Variants in KCNAB1 observed in about 807,000 individuals in gnomAD.
The protein encoded by KCNAB1 is voltage-gated potassium channel subunit beta-1.
In KCNAB1, 35 loss-of-function variants were observed where a neutral mutation model predicts 64.6. That is an observed-to-expected ratio of 0.54 (90% CI 0.41 to 0.72). The LOEUF is 0.72. Among genes scored for constraint, KCNAB1 ranks in the 30% least tolerant of loss-of-function variants. KCNAB1 has a pLI of 0.00. For synonymous variants in KCNAB1, 177 were observed against 183.8 expected, an observed-to-expected ratio of 0.96 and a Z score of 0.30; for missense variants, 401 against 512.9, an observed-to-expected ratio of 0.78 and a Z score of 2.11.
At chr3:156,279,127 C>G (rs1189927774) in intron 1 of KCNAB1, among the ~76,000 whole-genome samples, 1 of 149,720 alleles carries the variant, frequency 6.7e-6, no homozygotes, top group Non-Finnish European at 1.5e-5. Context: ...TCCCACCACC[C>G]CACAACAGTC....
chr3:156,524,512 C>T (rs1008033022), intron 12 of KCNAB1, among the ~76,000 whole-genome samples: 4 of 152,174 alleles, frequency 2.6e-5, no homozygotes, highest in African/African-American at 9.6e-5. Context: ...CTTTGGGAGG[C>T]CAAGGTGGGC....
At chr3:156,363,817 G>A (rs745677380) in intron 1 of KCNAB1, among the ~76,000 whole-genome samples, 1 of 152,054 alleles carries the variant, frequency 6.6e-6, no homozygotes, top group Admixed American at 6.6e-5. Flanking sequence ...TTTACAAGGC[G>A]ACTACATAAA....
At chr3:156,332,415 A>G (rs991333708) in intron 1 of KCNAB1, among the ~76,000 whole-genome samples, 1 of 151,998 alleles carries the variant, frequency 6.6e-6, no homozygotes, top group Non-Finnish European at 1.5e-5. Context: ...AACCCTCTCA[A>G]TTGTACCGTA....
intron 8 of KCNAB1, among the ~76,000 whole-genome samples, chr3:156,476,578 CAT>C (rs778670781): frequency 1.5e-3 from 177 of 121,010 alleles, no homozygotes; most frequent in African/African-American, 3.8e-3. Context: ...CACACACACA[CAT>C]ATATACACAC....
chr3:156,261,759 T>C (rs1718443062), intron 1 of KCNAB1, among the ~76,000 whole-genome samples: 1 of 151,972 alleles, frequency 6.6e-6, no homozygotes, highest in Non-Finnish European at 1.5e-5. Context: ...AGCTTGTTAA[T>C]TTTTACAAAA....
chr3:156,477,504 G>T (rs1187666522), intron 8 of KCNAB1, among the ~76,000 whole-genome samples: 2 of 152,112 alleles, frequency 1.3e-5, no homozygotes, highest in Non-Finnish European at 2.9e-5. Flanking sequence ...ACCCCAGCAG[G>T]CCAATCAACC....
chr3:156,520,545 T>G (rs1447568292), intron 11 of KCNAB1, among the ~76,000 whole-genome samples: 1 of 152,100 alleles, frequency 6.6e-6, no homozygotes, highest in Non-Finnish European at 1.5e-5. Context: ...GCCACTTCCC[T>G]CCAGCCTGAG....
intron 8 of KCNAB1, among the ~76,000 whole-genome samples, chr3:156,509,659 C>T (rs1717062280): frequency 6.6e-6 from 1 of 152,150 alleles, no homozygotes; most frequent in South Asian, 2.1e-4. Flanking sequence ...TTCTGGAAAA[C>T]TAGGGAAGGA....
At chr3:156,274,539 T>C (rs769896514) in intron 1 of KCNAB1, among the ~76,000 whole-genome samples, 7 of 152,182 alleles carry the variant, frequency 4.6e-5, no homozygotes, top group Non-Finnish European at 1.5e-5. Flanking sequence ...GGAAATTTAT[T>C]TGACAAAATC....
chr3:156,463,044 A>C (rs1713045506), intron 5 of KCNAB1, among the ~76,000 whole-genome samples: 1 of 152,208 alleles, frequency 6.6e-6, no homozygotes, highest in African/African-American at 2.4e-5. Flanking sequence ...CTGTTTTCCT[A>C]AAATGACATT....
intron 1 of KCNAB1, among the ~76,000 whole-genome samples, chr3:156,405,935 G>A (rs1473392011): frequency 6.6e-6 from 1 of 152,014 alleles, no homozygotes; most frequent in Non-Finnish European, 1.5e-5. Context: ...GAATTATCAG[G>A]TCTTGACTTG....
chr3:156,508,405 GA>G lies in KCNAB1; in HGVS notation c.659-5952del, dbSNP rs1716957417. 6.6e-6 allele frequency among the ~76,000 whole-genome samples: 1 copy of G among 151,952 alleles called. No homozygotes were observed. Among genetic ancestry groups the G allele is most frequent in the Non-Finnish European group, 1.5e-5 (1 of 67,980 alleles). On this transcript the variant is annotated intron_variant, in intron 8 of 13. Transcript: ENST00000490337. This position sits in a 1 kb window ranked among gnomAD's most constrained non-coding sequence, Gnocchi z 4.1. ...CAAAGTTCTAGGGAACATTTTGCAG[GA>G]AAAAAAGTTTAATGTGAGCTACCAC...
intron 1 of KCNAB1, chr3:156,176,488 C>T (rs1712378459): frequency 1.0e-5 from 8 of 791,328 alleles, no homozygotes; most frequent in South Asian, 6.7e-5. Flanking sequence ...CCCTCTTGCC[C>T]GTTTCACTAT....
intron 1 of KCNAB1, among the ~76,000 whole-genome samples, chr3:156,300,820 T>G (rs923530593): frequency 6.6e-6 from 1 of 152,162 alleles, no homozygotes; most frequent in Non-Finnish European, 1.5e-5. Context: ...AAGGCCAAAT[T>G]TGATGTATAG....
intron 1 of KCNAB1, among the ~76,000 whole-genome samples, chr3:156,191,671 TA>T (rs561588263): frequency 1.3e-3 from 197 of 152,284 alleles, no homozygotes; most frequent in African/African-American, 4.5e-3. Context: ...AGTATTTTTT[TA>T]AAAAATACTT....
intron 8 of KCNAB1, among the ~76,000 whole-genome samples, chr3:156,512,467 T>C (rs1209745350): frequency 2.0e-5 from 3 of 152,230 alleles, no homozygotes; most frequent in Admixed American, 2.0e-4. Flanking sequence ...TTTATCAGCA[T>C]GTTTGATTCA....
chr3:156,223,875 G>A (rs1715961131), intron 1 of KCNAB1, among the ~76,000 whole-genome samples: 1 of 152,254 alleles, frequency 6.6e-6, no homozygotes, highest in Non-Finnish European at 1.5e-5. Flanking sequence ...CTGGGGCACA[G>A]GTGAAGCTGC....
Position 156,287,499 on chromosome 3 carries a change from A to G in KCNAB1, c.276-134117A>G, listed in dbSNP as rs140132424. Among the ~76,000 whole-genome samples the G allele has an allele frequency of 6.7e-3, 1,022 of 152,280 alleles. 14 individuals carry two copies. The highest frequency in any genetic ancestry group is 0.023 in the African/African-American group (951 of 41,550). On this transcript the variant is annotated intron_variant, in intron 1 of 13. Transcript: ENST00000490337. The stretch of plus-strand genomic sequence containing the variant: ...TTATTAAATAATGACAACTATCGTT[A>G]TCATTCACGCTATACATCCTATATA...
chr3:156,148,923 T>C (rs1011506769), intron 1 of KCNAB1, among the ~76,000 whole-genome samples: 6 of 152,120 alleles, frequency 3.9e-5, no homozygotes, highest in Admixed American at 3.3e-4. Flanking sequence ...TTTCTTTTTA[T>C]CTCACACATG....
Sources: gnomAD v4.1 joint callset for allele counts (sites outside exome capture counted in the v4.1 genomes callset) on GRCh38, gnomAD v4.1.1 for gene constraint, Gnocchi (gnomAD v3.1) non-coding constraint, MANE v1.5 for transcripts, NCBI Gene and HGNC (gene_info 2026-07-23, HGNC 2026-07-21) for gene names.